L3MBTL4: variants seen among roughly 807,000 people sequenced by gnomAD.
L3MBTL4 encodes L3MBTL histone methyl-lysine binding protein 4.
Under a neutral mutation model 84.5 loss-of-function variants are expected in L3MBTL4, and 70 were observed. The observed-to-expected ratio is 0.83, with a 90% confidence interval of 0.68 to 1.01. The LOEUF (loss-of-function observed/expected upper bound fraction) is 1.01, where lower values mean the gene tolerates loss of function less well. Among genes scored for constraint, L3MBTL4 ranks in the 50% least tolerant of loss-of-function variants. The pLI, the probability that L3MBTL4 is intolerant of heterozygous loss-of-function variation, is 0.00. For synonymous variants in L3MBTL4, 274 were observed against 259.8 expected (o/e 1.05, Z -0.52); for missense variants, 715 against 754.8 (o/e 0.95, Z 0.62).
At chr18:5,989,425 T>C (rs2053594680) in intron 16 of L3MBTL4, among the ~76,000 whole-genome samples, 1 of 152,222 alleles carries the variant, frequency 6.6e-6, no homozygotes, top group African/African-American at 2.4e-5. Flanking sequence ...TAGATAAATC[T>C]GTATTTGCTT....
chr18:6,178,829 C>T (rs16949567), intron 12 of L3MBTL4, among the ~76,000 whole-genome samples: 1 of 152,234 alleles, frequency 6.6e-6, no homozygotes, highest in Non-Finnish European at 1.5e-5. Flanking sequence ...CAGCCGTCTG[C>T]ACCAACACAG....
intron 1 of L3MBTL4, among the ~76,000 whole-genome samples, chr18:6,404,437 G>A (rs913944805): frequency 6.6e-6 from 1 of 152,112 alleles, no homozygotes; most frequent in African/African-American, 2.4e-5. Flanking sequence ...GGAAATTCAG[G>A]CTCTGGGAAC....
chr18:6,371,069 C>T (rs537734465), intron 1 of L3MBTL4, among the ~76,000 whole-genome samples: 9 of 152,030 alleles, frequency 5.9e-5, no homozygotes, highest in Non-Finnish European at 1.3e-4. Flanking sequence ...TTTTTAAAGT[C>T]CAGACTGTAA....
At chr18:6,132,432 T>C (rs1303788876) in intron 14 of L3MBTL4, among the ~76,000 whole-genome samples, 1 of 152,152 alleles carries the variant, frequency 6.6e-6, no homozygotes, top group Admixed American at 6.6e-5. Flanking sequence ...GGTCTGGAAC[T>C]GGAGAAGAGC....
At chr18:5,991,635 G>T (rs1479514412) in intron 16 of L3MBTL4, among the ~76,000 whole-genome samples, 3 of 152,176 alleles carry the variant, frequency 2.0e-5, no homozygotes, top group African/African-American at 7.2e-5. Context: ...ATTCACAGCT[G>T]CCGTGTCAAG....
intron 16 of L3MBTL4, among the ~76,000 whole-genome samples, chr18:6,008,011 T>A (rs2054569410): frequency 6.6e-6 from 1 of 152,170 alleles, no homozygotes; most frequent in South Asian, 2.1e-4. Flanking sequence ...AAAATCAAAT[T>A]AAAAAGGCAA....
chr18:6,071,764 A>AGAAAG (rs1376148206), intron 16 of L3MBTL4, among the ~76,000 whole-genome samples: 3 of 63,968 alleles, frequency 4.7e-5, no homozygotes, highest in Admixed American at 1.8e-4. Context: ...AAAGAAAAAA[A>AGAAAG]GAAAGAAAGA....
intron 14 of L3MBTL4, among the ~76,000 whole-genome samples, chr18:6,137,432 A>G (rs1412043312): frequency 6.6e-6 from 1 of 152,166 alleles, no homozygotes. Flanking sequence ...GACTTCCTGT[A>G]TTATGCTTAG....
intron 5 of L3MBTL4, among the ~76,000 whole-genome samples, chr18:6,246,753 A>AT (rs2047681216): frequency 6.6e-6 from 1 of 152,134 alleles, no homozygotes; most frequent in Admixed American, 6.5e-5. Flanking sequence ...AAAATACAAG[A>AT]ATTAGCCAGG....
chr18:6,372,565 G>T (rs77980641), intron 1 of L3MBTL4, among the ~76,000 whole-genome samples: 1 of 151,886 alleles, frequency 6.6e-6, no homozygotes, highest in African/African-American at 2.4e-5. Context: ...CCATTCTTCC[G>T]CAAGGCCTCT....
In L3MBTL4 at chr18:5,956,140, T is replaced by A; in HGVS notation, c.*80A>T. ...CAGTGTGGATACGGCCATGGGGACATTCACATCAAATTAATGTGCTCCACT... is the reference window on the plus strand; with the variant it reads ...CAGTGTGGATACGGCCATGGGGACAATCACATCAAATTAATGTGCTCCACT... On this transcript the variant is annotated 3_prime_UTR_variant, in exon 19 of 19. Transcript: ENST00000317931. 8.3e-7 allele frequency: 1 copy of A among 1,199,126 alleles called. No homozygotes were observed. The highest frequency in any genetic ancestry group is 1.4e-5 in the South Asian group (1 of 71,176). 74.3% of individuals were successfully genotyped at this position (1,199,126 alleles called of 1,614,324 possible). A position where few individuals can be genotyped will look rare whatever the true frequency, so the allele number is the denominator to read the frequency against.
At chr18:6,398,560 T>C (rs1445563750) in intron 1 of L3MBTL4, among the ~76,000 whole-genome samples, 4 of 152,190 alleles carry the variant, frequency 2.6e-5, no homozygotes, top group Admixed American at 1.3e-4. Flanking sequence ...ATAAAGGCTC[T>C]GAAATAGTCC....
Position 6,000,657 on chromosome 18 carries a change from C to G in L3MBTL4, c.1445-31095G>C, listed in dbSNP as rs189853582. 2.1e-4 allele frequency among the ~76,000 whole-genome samples: 32 copies of G among 152,266 alleles called. No homozygotes were observed. The East Asian group carries it at 6.2e-3, about 29-fold the overall frequency. ...TAATAAAAACAACCCTTTCCTAAAT[C>G]TATATATGTGAATGTACTTGAATCT... On this transcript the variant is annotated intron_variant, in intron 16 of 18. Transcript: ENST00000317931.
intron 12 of L3MBTL4, among the ~76,000 whole-genome samples, chr18:6,189,879 G>A (rs1387707364): frequency 2.6e-5 from 4 of 152,144 alleles, no homozygotes; most frequent in South Asian, 4.1e-4. Context: ...CATGAGAGAC[G>A]TGTGAGAACC....
At chr18:5,982,096 A>G (rs2053256674) in intron 16 of L3MBTL4, among the ~76,000 whole-genome samples, 1 of 152,052 alleles carries the variant, frequency 6.6e-6, no homozygotes, top group Admixed American at 6.5e-5. Flanking sequence ...TAAAGAACAA[A>G]TTATGAAGCA....
In L3MBTL4 at chr18:6,407,356, G is replaced by C. The variant is rs924448353; in HGVS notation, c.-91+7445C>G. ...CCAAAAACAGTCACATATCTTCTAG[G>C]AATAAAATCACAGCAACCTATAGTT... On this transcript the variant is annotated intron_variant, in intron 1 of 18. Coordinates refer to ENST00000317931, the MANE Select transcript of L3MBTL4 (RefSeq NM_001330559.2). Among the ~76,000 whole-genome samples the C allele has an allele frequency of 7.9e-5, 12 of 152,028 alleles. 1 individual carries two copies. Among genetic ancestry groups the C allele is most frequent in the African/African-American group, 2.9e-4 (12 of 41,380 alleles).
chr18:6,255,146 C>T (rs775836441), intron 5 of L3MBTL4, among the ~76,000 whole-genome samples: 1 of 152,166 alleles, frequency 6.6e-6, no homozygotes, highest in Admixed American at 6.5e-5. Flanking sequence ...GACAAGGATA[C>T]TTCTAATACA....
rs1003921723 is a variant in L3MBTL4, at chr18:6,026,238, G to A, written c.1444+54643C>T. On this transcript the variant is annotated intron_variant, in intron 16 of 18. Coordinates refer to ENST00000317931, the MANE Select transcript of L3MBTL4 (RefSeq NM_001330559.2). ...GTCCTAGATTAGAAGAAAGGAAAAG[G>A]CTTGGTATATAGAATTTAAAGAAAA... Among the ~76,000 whole-genome samples the A allele has an allele frequency of 3.9e-5, 6 of 152,266 alleles. No homozygotes were observed. In the East Asian group the frequency reaches 5.8e-4, roughly 15 times the overall value.
chr18:6,168,627 T>C (rs1003098579), intron 13 of L3MBTL4, among the ~76,000 whole-genome samples: 2 of 152,134 alleles, frequency 1.3e-5, no homozygotes, highest in Non-Finnish European at 2.9e-5. Context: ...TAGCCATATG[T>C]AGAAAGCTGA....
Sources: gnomAD v4.1 joint callset for allele counts (sites outside exome capture counted in the v4.1 genomes callset) on GRCh38, gnomAD v4.1.1 for gene constraint, MANE v1.5 for transcripts, NCBI Gene and HGNC (gene_info 2026-07-23, HGNC 2026-07-21) for gene names.